The following ARHGAP15 variants were observed in gnomAD, a reference collection of about 807,000 sequenced individuals.
ARHGAP15 encodes rho GTPase-activating protein 15.
In ARHGAP15, 51 loss-of-function variants were observed where a neutral mutation model predicts 63.7. The ratio of observed to expected loss-of-function variants is 0.80; its 90% CI spans 0.64 to 1.01. The LOEUF (loss-of-function observed/expected upper bound fraction) is 1.01. Among genes scored for constraint, ARHGAP15 ranks in the 50% least tolerant of loss-of-function variants. The pLI is 0.00. For missense variants in ARHGAP15, 560 were observed against 564.6 expected, an observed-to-expected ratio of 0.99 and a Z score of 0.08; for synonymous variants, 191 against 193.8, an observed-to-expected ratio of 0.99 and a Z score of 0.12.
intron 11 of ARHGAP15, among the ~76,000 whole-genome samples, chr2:143,570,161 A>G (rs1402397716): frequency 6.6e-6 from 1 of 152,200 alleles, no homozygotes; most frequent in Non-Finnish European, 1.5e-5. Flanking sequence ...CATCCTAATG[A>G]AGTAATCTAT....
intron 6 of ARHGAP15, among the ~76,000 whole-genome samples, chr2:143,367,564 T>G (rs1452111448): frequency 6.6e-6 from 1 of 152,086 alleles, no homozygotes; most frequent in African/African-American, 2.4e-5. Context: ...ATTCATTGCC[T>G]TTGGGCATAC....
chr2:143,717,355 C>A (rs1359273263), intron 13 of ARHGAP15, among the ~76,000 whole-genome samples: 1 of 152,184 alleles, frequency 6.6e-6, no homozygotes, highest in East Asian at 1.9e-4. Flanking sequence ...TTCAGTTCAC[C>A]TTTAATTCTG....
chr2:143,323,913 A>C (rs1028068147), intron 6 of ARHGAP15, among the ~76,000 whole-genome samples: 12 of 150,690 alleles, frequency 8.0e-5, no homozygotes, highest in African/African-American at 2.2e-4. Context: ...AAAAAAAAAA[A>C]AAAAAAAAAA....
At chr2:143,270,869 G>T (rs1323686044) in intron 6 of ARHGAP15, among the ~76,000 whole-genome samples, 1 of 152,050 alleles carries the variant, frequency 6.6e-6, no homozygotes, top group Admixed American at 6.5e-5. Flanking sequence ...TTCAGAAAAT[G>T]TTAGAAAAAC....
intron 9 of ARHGAP15, among the ~76,000 whole-genome samples, chr2:143,494,157 A>G (rs1692712385): frequency 6.6e-6 from 1 of 152,026 alleles, no homozygotes; most frequent in African/African-American, 2.4e-5. Flanking sequence ...ACATTGATAC[A>G]TTCCTCCCAC....
rs572883448 is a variant in ARHGAP15, at chr2:143,233,831, G to C, written c.384+5163G>C. Among the ~76,000 whole-genome samples, 12 of 152,018 alleles carry C rather than the reference G, an allele frequency of 7.9e-5. No homozygotes were observed. The South Asian group carries it at 2.5e-3, about 32-fold the overall frequency. On this transcript the variant is annotated intron_variant, in intron 5 of 13. Coordinates refer to ENST00000295095, the MANE Select transcript of ARHGAP15 (RefSeq NM_018460.4). ...GGCTAATTTTGGTATATTTAGTAGA[G>C]ATAGGGTTTCACTATGTTGGCCAAG...
intron 12 of ARHGAP15, among the ~76,000 whole-genome samples, chr2:143,700,687 A>AGT (rs377690137): frequency 2.5e-3 from 367 of 147,136 alleles, no homozygotes; most frequent in East Asian, 0.012. Flanking sequence ...TATATATATG[A>AGT]GTGTGTGTGT....
At chr2:143,493,404 G>C (rs1692673265) in intron 9 of ARHGAP15, among the ~76,000 whole-genome samples, 1 of 152,160 alleles carries the variant, frequency 6.6e-6, no homozygotes, top group East Asian at 1.9e-4. Flanking sequence ...CATATCCATG[G>C]GTGGCATGCT....
intron 8 of ARHGAP15, among the ~76,000 whole-genome samples, chr2:143,459,009 A>C (rs756939432): frequency 7.9e-5 from 12 of 152,162 alleles, no homozygotes; most frequent in Non-Finnish European, 1.5e-4. Context: ...CATGCTCTCA[A>C]AAGGCATATT....
At chr2:143,562,397 A>T (rs1334904019) in intron 11 of ARHGAP15, among the ~76,000 whole-genome samples, 1 of 152,232 alleles carries the variant, frequency 6.6e-6, no homozygotes. Flanking sequence ...TATCAAGTCC[A>T]TTCATTTTTC....
At chr2:143,397,642 T>C (rs932752453) in intron 6 of ARHGAP15, among the ~76,000 whole-genome samples, 4 of 152,044 alleles carry the variant, frequency 2.6e-5, no homozygotes, top group Non-Finnish European at 5.9e-5. Flanking sequence ...TTTTCATAAA[T>C]AGCAATTTAA....
At chr2:143,661,051 CTG>C (rs1459225669) in intron 12 of ARHGAP15, among the ~76,000 whole-genome samples, 1 of 151,842 alleles carries the variant, frequency 6.6e-6, no homozygotes, top group Non-Finnish European at 1.5e-5. Context: ...ATTCCCTAAA[CTG>C]GGAATAACCA....
intron 11 of ARHGAP15, chr2:143,572,166 A>G (rs1413179307): frequency 6.6e-6 from 1 of 152,210 alleles, no homozygotes; most frequent in Admixed American, 6.6e-5. Context: ...TGCCATCTGC[A>G]TTGTAGGCTT....
chr2:143,154,994 G>A (rs1483516313), intron 1 of ARHGAP15, among the ~76,000 whole-genome samples: 3 of 151,824 alleles, frequency 2.0e-5, no homozygotes, highest in African/African-American at 4.8e-5. Flanking sequence ...GGGCTCTGGG[G>A]TCTGTTTTGC....
At chr2:143,301,831 AGACAACATATATATGGG>A (rs1467866746) in intron 6 of ARHGAP15, among the ~76,000 whole-genome samples, 43 of 151,732 alleles carry the variant, frequency 2.8e-4, no homozygotes, top group African/African-American at 9.9e-4. Context: ...ATATATATGG[AGACAACATATATATGGG>A]GACAACATAT....
chr2:143,767,072 G>A (rs931926035), intron 13 of ARHGAP15, among the ~76,000 whole-genome samples: 14 of 152,112 alleles, frequency 9.2e-5, no homozygotes, highest in African/African-American at 3.1e-4. Context: ...ATGTCTGGTA[G>A]AATGAAGAGT....
At chr2:143,387,387 G>T (rs756619980) in intron 6 of ARHGAP15, among the ~76,000 whole-genome samples, 1 of 152,054 alleles carries the variant, frequency 6.6e-6, no homozygotes, top group Non-Finnish European at 1.5e-5. Context: ...CTTCACATTT[G>T]TCATTATATC....
intron 12 of ARHGAP15, among the ~76,000 whole-genome samples, chr2:143,690,679 A>G (rs987679318): frequency 6.6e-6 from 1 of 152,102 alleles, no homozygotes; most frequent in Non-Finnish European, 1.5e-5. Flanking sequence ...TTGGTTCTTT[A>G]TAAAAAGAAT....
At chr2:143,373,460 C>G (rs1012893170) in intron 6 of ARHGAP15, among the ~76,000 whole-genome samples, 2 of 151,792 alleles carry the variant, frequency 1.3e-5, no homozygotes, top group African/African-American at 4.8e-5. Context: ...GAAACATCAT[C>G]TCTACTAAAA....
Sources: gnomAD v4.1 joint callset for allele counts (sites outside exome capture counted in the v4.1 genomes callset) on GRCh38, gnomAD v4.1.1 for gene constraint, MANE v1.5 for transcripts, NCBI Gene and HGNC (gene_info 2026-07-23, HGNC 2026-07-21) for gene names.